The following ADNP variants were observed in gnomAD, a reference collection of about 807,000 sequenced individuals.
ADNP encodes activity dependent neuroprotector homeobox.
ADNP carries 4 observed loss-of-function variants against 84.9 expected under a neutral mutation model. That is an observed-to-expected ratio of 0.05 (90% CI 0.02 to 0.11). The LOEUF is 0.11. ADNP is among the 10% of genes least tolerant of loss of function. The probability of loss-of-function intolerance (pLI) is 1.00; values close to 1 mark genes in which losing one functional copy is unlikely to be tolerated. For missense variants in ADNP, 1,132 were observed against 1,326.0 expected (o/e 0.85, Z 2.27); for synonymous variants, 554 against 468.1 (o/e 1.18, Z -2.37).
At chr20:50,926,155 G>A (rs1416843800) in intron 2 of ADNP, among the ~76,000 whole-genome samples, 3 of 152,184 alleles carry the variant, frequency 2.0e-5, no homozygotes, top group Admixed American at 6.5e-5. Flanking sequence ...AAGTTTATAC[G>A]ATGCTAATAA....
rs1468483437 is a variant in ADNP, at chr20:50,890,315, A to G, written c.*1090T>C. 1 of 158,562 alleles carries G rather than the reference A, an allele frequency of 6.3e-6. No individual in the cohort carries two copies. The highest frequency in any genetic ancestry group is 2.4e-5 in the African/African-American group (1 of 41,830). The allele number at this position is 158,562 out of a possible 1,614,324, so 9.8% of individuals were successfully genotyped here. A position where few individuals can be genotyped will look rare whatever the true frequency, so the allele number is the denominator to read the frequency against. Reference sequence around the variant, plus strand: ...ATGGCAAAAGATATAATGGACACACAGGACTGTCATGTGTAATAAAGCAAA... The same window carrying G: ...ATGGCAAAAGATATAATGGACACACGGGACTGTCATGTGTAATAAAGCAAA... On this transcript the variant is annotated 3_prime_UTR_variant, in exon 6 of 6. Transcript: ENST00000621696.
chr20:50,898,114 T>C (rs1981602253), intron 5 of ADNP, among the ~76,000 whole-genome samples: 1 of 152,356 alleles, frequency 6.6e-6, no homozygotes, highest in Admixed American at 6.5e-5. Flanking sequence ...CTTTCAGGCA[T>C]CTGTTTCCAG....
At chr20:50,915,023 T>A (rs1415618261) in intron 2 of ADNP, among the ~76,000 whole-genome samples, 1 of 152,186 alleles carries the variant, frequency 6.6e-6, no homozygotes, top group Non-Finnish European at 1.5e-5. Flanking sequence ...TATGGTTTTT[T>A]AAAAAGGAAG....
chr20:50,916,767 A>C (rs1983541685), intron 2 of ADNP, among the ~76,000 whole-genome samples: 1 of 152,196 alleles, frequency 6.6e-6, no homozygotes, highest in Admixed American at 6.5e-5. Context: ...ATGAGGAAAA[A>C]GATAGTTTGG....
Position 50,893,969 on chromosome 20 carries a change from A to G in ADNP, c.745T>C (p.Tyr249His). The G allele has an allele frequency of 6.2e-7, 1 of 1,614,194 alleles. No individual in the cohort carries two copies. Among genetic ancestry groups the G allele is most frequent in the Non-Finnish European group, 8.5e-7 (1 of 1,180,022 alleles). Residue 249 changes from tyrosine to histidine, a missense_variant, in exon 6 of 6, where the codon TAT becomes CAT. Tyr to His is a moderately conservative substitution (Grantham distance 83). Transcript: ENST00000621696. The surrounding 1 kb of genome is among the most constrained non-coding windows in gnomAD (Gnocchi z 4.4). ...TGCCCAATCATGGCAGTGACCTGAT[A>G]GCCTATACGTTCATGGTCTTCGATG... is the stretch of plus-strand genomic sequence containing the variant. The part of the protein sequence containing the change: ...HVIEDHERIG[Y>H]QVTAMIGHTN...
chr20:50,895,265 C>T lies in ADNP; in HGVS notation c.202-753G>A, dbSNP rs1193578847. On this transcript the variant is annotated intron_variant, in intron 5 of 5. Transcript: ENST00000621696. ...GACCTAGATGGTAGAACCTACTACA[C>T]GCCTAGGCTACATGGCATAGCTTAT... is the stretch of plus-strand genomic sequence containing the variant. Among the ~76,000 whole-genome samples, 4 of 152,210 alleles carry T rather than the reference C, an allele frequency of 2.6e-5. 1 individual carries two copies. The East Asian group carries it at 7.7e-4, about 29-fold the overall frequency.
chr20:50,915,011 C>A (rs1983401307), intron 2 of ADNP, among the ~76,000 whole-genome samples: 1 of 151,778 alleles, frequency 6.6e-6, no homozygotes, highest in South Asian at 2.1e-4. Context: ...CAAGATAAAA[C>A]GTATGGTTTT....
At position 50,891,990 on chromosome 20, in the gene ADNP, T is replaced by C. The variant is rs762511002; in HGVS notation, c.2724A>G (p.Pro908=). 6.2e-7 allele frequency: 1 copy of C among 1,614,214 alleles called. No homozygotes were observed. The highest frequency in any genetic ancestry group is 8.5e-7 in the Non-Finnish European group (1 of 1,180,032). ...EVEPKISNDN[P]EEHVLKVIPE... is the part of the protein sequence containing the mutation. Reference sequence around the variant, plus strand: ...GAATTACCTTCAGTACATGTTCCTCTGGGTTATCGTTAGAGATTTTAGGTT... The same window carrying C: ...GAATTACCTTCAGTACATGTTCCTCCGGGTTATCGTTAGAGATTTTAGGTT... Residue 908 remains proline (P), a synonymous_variant, in exon 6 of 6, where the codon CCA becomes CCG. Transcript: ENST00000621696.
chr20:50,895,248 T>C (rs1053529012), intron 5 of ADNP, among the ~76,000 whole-genome samples: 3 of 152,230 alleles, frequency 2.0e-5, no homozygotes, highest in South Asian at 2.1e-4. Flanking sequence ...CAGACCTAGA[T>C]GGTAGAACCT....
chr20:50,891,679 G>A lies in ADNP; in HGVS notation c.3035C>T (p.Ala1012Val). Residue 1012 changes from alanine (A) to valine (V), a missense_variant, in exon 6 of 6, where the codon GCT (alanine) becomes GTT (valine). By Grantham distance (64) the Ala-to-Val change is moderately conservative. Transcript: ENST00000621696. ...TTGCATGGTAGCCTTTTTTTTGGCAGCTGGCTTACTGCTCCTTGCATCTTC... is the reference window on the plus strand; with the variant it reads ...TTGCATGGTAGCCTTTTTTTTGGCAACTGGCTTACTGCTCCTTGCATCTTC... ...QSEDARSSKP[A>V]AKKKATMQGD... The A allele has an allele frequency of 6.2e-7, 1 of 1,613,796 alleles. No individual in the cohort carries two copies. Among genetic ancestry groups the A allele is most frequent in the South Asian group, 1.1e-5 (1 of 91,050 alleles).
intron 2 of ADNP, among the ~76,000 whole-genome samples, chr20:50,927,323 T>C (rs1984355277): frequency 6.6e-6 from 1 of 152,166 alleles, no homozygotes; most frequent in South Asian, 2.1e-4. Flanking sequence ...CTATATTTTC[T>C]ATACAGGAAC....
intron 2 of ADNP, among the ~76,000 whole-genome samples, chr20:50,910,599 G>C (rs1042634764): frequency 2.6e-5 from 4 of 152,120 alleles, no homozygotes; most frequent in East Asian, 3.8e-4. Context: ...AATAAATAGA[G>C]AGTAACTAGC....
Position 50,890,128 on chromosome 20 carries a change from A to C in ADNP, c.*1277T>G, listed in dbSNP as rs1980512666. ...AAAAACTCAAGGGTGTTTGTTTTTC[A>C]GTTAAAAAAAAAAAAAAAAAAAAAA... On this transcript the variant is annotated 3_prime_UTR_variant, in exon 6 of 6. Coordinates refer to ENST00000621696, the MANE Select transcript of ADNP (RefSeq NM_001282531.3). The C allele has an allele frequency of 8.4e-6, 1 of 118,890 alleles. No homozygotes were observed. The highest frequency in any genetic ancestry group is 1.0e-4 in the Admixed American group (1 of 9,848). The allele number at this position is 118,890 out of a possible 1,614,324, so 7.4% of individuals were successfully genotyped here. A position where few individuals can be genotyped will look rare whatever the true frequency, so the allele number is the denominator to read the frequency against.
rs1376491620 is a variant in ADNP at position 50,928,829 on chromosome 20, T to C, written c.-264-4A>G. 6 of 152,200 alleles carry C rather than the reference T, an allele frequency of 3.9e-5. No individual in the cohort carries two copies. The South Asian group carries it at 6.2e-4, about 16-fold the overall frequency. 9.4% of individuals were successfully genotyped at this position (152,200 alleles called of 1,614,324 possible). On this transcript the variant is annotated splice_region_variant and splice_polypyrimidine_tract_variant and intron_variant, in intron 1 of 5. Coordinates refer to ENST00000621696, the MANE Select transcript of ADNP (RefSeq NM_001282531.3). ...TTTCGCATTGTGCATCTCACACCTATGGAAATAACAAGAGGAGTAAAATCT... is the reference window on the plus strand; with the variant it reads ...TTTCGCATTGTGCATCTCACACCTACGGAAATAACAAGAGGAGTAAAATCT...
At chr20:50,907,830 T>C (rs2122871615) in intron 2 of ADNP, among the ~76,000 whole-genome samples, 1 of 150,054 alleles carries the variant, frequency 6.7e-6, no homozygotes, top group Middle Eastern at 3.6e-3. Context: ...ACTCCTGAGC[T>C]CAAGTGATCT....
rs1568710433 is a variant in ADNP at position 50,893,939 on chromosome 20, T to C, written c.775A>G (p.Asn259Asp). 6.2e-7 allele frequency: 1 copy of C among 1,614,102 alleles called. No homozygotes were observed. Reference sequence around the variant, plus strand: ...GGTTTGGATCGGGGAACCACTACATTTGTGTGCCCAATCATGGCAGTGACC... The same window carrying C: ...GGTTTGGATCGGGGAACCACTACATCTGTGTGCCCAATCATGGCAGTGACC... The part of the protein sequence containing the change: ...YQVTAMIGHT[N>D]VVVPRSKPLM... Residue 259 changes from asparagine to aspartate, a missense_variant, in exon 6 of 6, where the codon AAT becomes GAT. Around this residue, in one of 10 missense-constraint regions of ADNP, gnomAD observed 130 missense variants for 183.7 expected, o/e 0.71. Transcript: ENST00000621696. This position sits in a 1 kb window ranked among gnomAD's most constrained non-coding sequence, Gnocchi z 4.4.
At chr20:50,925,450 G>A (rs1001299124) in intron 2 of ADNP, among the ~76,000 whole-genome samples, 8 of 152,136 alleles carry the variant, frequency 5.3e-5, no homozygotes, top group Non-Finnish European at 8.8e-5. Flanking sequence ...CAGGTGTAGG[G>A]AGTACTAAGA....
rs1421203572 is a variant in ADNP, at chr20:50,891,938, T to C, written c.2776A>G (p.Lys926Glu). 3.1e-6 allele frequency: 5 copies of C among 1,614,100 alleles called. No homozygotes were observed. The highest frequency in any genetic ancestry group is 3.4e-6 in the Non-Finnish European group (4 of 1,180,050). Residue 926 changes from lysine to glutamate, a missense_variant, in exon 6 of 6, where the codon AAG becomes GAG. By Grantham distance (56) the Lys-to-Glu change is moderately conservative. This residue lies in a region of ADNP where 381 missense variants were observed against 319.9 expected (regional missense o/e 1.19). Transcript: ENST00000621696. ...IPEDASESEE[K>E]LDQKEDGSKY... ...GAACCATCCTCTTTTTGGTCTAGCT[T>C]CTCCTCAGATTCTGAAGCATCCTCA...
At position 50,890,171 on chromosome 20, in the gene ADNP, A is replaced by AAAATT. The variant is rs1980539107; in HGVS notation, c.*1233_*1234insAATTT. 1 of 261,618 alleles carries AAAATT rather than the reference A, an allele frequency of 3.8e-6. No homozygotes were observed. The highest frequency in any genetic ancestry group is 6.9e-6 in the Non-Finnish European group (1 of 145,866). 16.2% of individuals were successfully genotyped at this position (261,618 alleles called of 1,614,324 possible). Reference sequence around the variant, plus strand: ...AAAAAAAAAAAAAAAAGAAAAACAGATTTTGTACCAGGTGCCTCAAGAGAA... The same window carrying AAAATT: ...AAAAAAAAAAAAAAAAGAAAAACAGAAAATTTTTTGTACCAGGTGCCTCAAGAGAA... On this transcript the variant is annotated 3_prime_UTR_variant, in exon 6 of 6. Transcript: ENST00000621696.
Sources: gnomAD v4.1 joint callset for allele counts (sites outside exome capture counted in the v4.1 genomes callset) on GRCh38, gnomAD v4.1.1 for gene constraint, gnomAD v4.1.1 regional missense constraint, Gnocchi (gnomAD v3.1) non-coding constraint, MANE v1.5 for transcripts, NCBI Gene and HGNC (gene_info 2026-07-23, HGNC 2026-07-21) for gene names.